SPAG16: variants seen among roughly 807,000 people sequenced by gnomAD.
SPAG16 encodes sperm associated antigen 16.
SPAG16 carries 86 observed loss-of-function variants against 80.4 expected under a neutral mutation model. The ratio of observed to expected loss-of-function variants is 1.07; its 90% CI spans 0.90 to 1.28. SPAG16 has a LOEUF of 1.28. Ranked by LOEUF, SPAG16 falls within the 50% of genes most tolerant of loss-of-function variation. The pLI, the probability that SPAG16 is intolerant of heterozygous loss-of-function variation, is 0.00. For synonymous variants in SPAG16, 294 were observed against 265.9 expected (o/e 1.11, Z -1.03); for missense variants, 870 against 765.3 (o/e 1.14, Z -1.61).
At chr2:213,325,995 G>A (rs2063824840) in intron 5 of SPAG16, among the ~76,000 whole-genome samples, 1 of 151,798 alleles carries the variant, frequency 6.6e-6, no homozygotes, top group African/African-American at 2.4e-5. Flanking sequence ...CCCTTTCATG[G>A]CATTTATTTG....
intron 10 of SPAG16, among the ~76,000 whole-genome samples, chr2:213,826,096 G>A (rs745389006): frequency 1.3e-5 from 2 of 151,768 alleles, no homozygotes; most frequent in African/African-American, 2.4e-5. Flanking sequence ...GGTATTAGTT[G>A]AAATAACTCT....
At chr2:213,404,045 A>T (rs544267194) in intron 9 of SPAG16, among the ~76,000 whole-genome samples, 1 of 152,254 alleles carries the variant, frequency 6.6e-6, no homozygotes, top group African/African-American at 2.4e-5. Flanking sequence ...CCACTGCTCA[A>T]GGAAATAAAA....
chr2:213,307,054 T>C (rs10203794), intron 3 of SPAG16, among the ~76,000 whole-genome samples: 44,361 of 152,090 alleles, frequency 0.29, 6,953 homozygotes, highest in African/African-American at 0.34. Flanking sequence ...AATTATTCTT[T>C]TTGAACTTTA....
chr2:213,594,521 T>A (rs1469237326), intron 10 of SPAG16, among the ~76,000 whole-genome samples: 1 of 152,222 alleles, frequency 6.6e-6, no homozygotes, highest in East Asian at 1.9e-4. Flanking sequence ...GGGGGTGTGC[T>A]CACTCTTTTT....
intron 10 of SPAG16, among the ~76,000 whole-genome samples, chr2:213,558,173 G>T (rs2059487938): frequency 6.6e-6 from 1 of 152,080 alleles, no homozygotes; most frequent in Admixed American, 6.6e-5. Flanking sequence ...ACCTGATAAA[G>T]TAACTATGTG....
rs1349871115 is a variant in SPAG16 at position 213,833,464 on chromosome 2, AT to A, written c.1071-29019del. Among the ~76,000 whole-genome samples, 13 of 12,238 alleles carry A rather than the reference AT, an allele frequency of 1.1e-3. 1 individual carries two copies. Among genetic ancestry groups the A allele is most frequent in the East Asian group, 4.0e-3 (1 of 252 alleles). The allele number at this position is 12,238 out of a possible 152,430, so 8.0% of individuals were successfully genotyped here. On this transcript the variant is annotated intron_variant, in intron 10 of 15. Transcript: ENST00000331683. Reference sequence around the variant, plus strand: ...GTGTATATATATATATTATATATATATTATATATAATAATATATATATTATA... The same window carrying A: ...GTGTATATATATATATTATATATATATATATATAATAATATATATATTATA...
chr2:213,861,581 A>G (rs1051340735), intron 10 of SPAG16, among the ~76,000 whole-genome samples: 2 of 152,180 alleles, frequency 1.3e-5, no homozygotes, highest in African/African-American at 4.8e-5. Flanking sequence ...ATTTGTTACT[A>G]ATATTTAGGT....
intron 9 of SPAG16, among the ~76,000 whole-genome samples, chr2:213,382,390 T>C (rs2067217569): frequency 2.0e-5 from 3 of 152,188 alleles, no homozygotes; most frequent in Admixed American, 2.0e-4. Flanking sequence ...AGAGAATATG[T>C]AAAAGTAGTT....
At chr2:214,285,574 C>T (rs537260889) in intron 15 of SPAG16, among the ~76,000 whole-genome samples, 5 of 152,050 alleles carry the variant, frequency 3.3e-5, no homozygotes, top group Admixed American at 1.3e-4. Flanking sequence ...ATTGGGAGGC[C>T]GAGGTGGGCA....
intron 10 of SPAG16, among the ~76,000 whole-genome samples, chr2:213,673,534 G>T (rs1393467500): frequency 2.6e-5 from 4 of 152,088 alleles, no homozygotes; most frequent in Admixed American, 2.6e-4. Context: ...AAGAAGCTTG[G>T]CATATGTCCT....
At chr2:213,653,107 C>T (rs1373566879) in intron 10 of SPAG16, among the ~76,000 whole-genome samples, 1 of 122,528 alleles carries the variant, frequency 8.2e-6, no homozygotes, top group Non-Finnish European at 1.8e-5. Flanking sequence ...ATCACTGGGT[C>T]AAAGAAGTCT....
chr2:214,187,093 GA>G (rs2057502549), intron 15 of SPAG16, among the ~76,000 whole-genome samples: 1 of 152,022 alleles, frequency 6.6e-6, no homozygotes, highest in African/African-American at 2.4e-5. Flanking sequence ...GGGATAAATA[GA>G]AGCTTTCAAA....
At chr2:213,381,834 C>T (rs2067190436) in intron 9 of SPAG16, among the ~76,000 whole-genome samples, 2 of 152,280 alleles carry the variant, frequency 1.3e-5, no homozygotes, top group Non-Finnish European at 2.9e-5. Context: ...ATAGCCACTG[C>T]CAATAAATAG....
At chr2:213,513,334 C>T (rs1198136081) in intron 10 of SPAG16, among the ~76,000 whole-genome samples, 1 of 152,164 alleles carries the variant, frequency 6.6e-6, no homozygotes, top group East Asian at 1.9e-4. Flanking sequence ...TGGGGACCTA[C>T]AATTTTTGAA....
chr2:213,298,314 C>T (rs1274870178), intron 3 of SPAG16, among the ~76,000 whole-genome samples: 1 of 152,076 alleles, frequency 6.6e-6, no homozygotes, highest in Non-Finnish European at 1.5e-5. Flanking sequence ...GAAATCTATT[C>T]CATAGACTTA....
chr2:213,326,952 G>A (rs1475247638), intron 5 of SPAG16, among the ~76,000 whole-genome samples: 3 of 151,878 alleles, frequency 2.0e-5, no homozygotes, highest in Admixed American at 6.6e-5. Context: ...TTTATAGTTC[G>A]ATAAGAATAT....
At chr2:214,182,418 G>A (rs1002716711) in intron 15 of SPAG16, among the ~76,000 whole-genome samples, 1 of 151,714 alleles carries the variant, frequency 6.6e-6, no homozygotes, top group African/African-American at 2.4e-5. Context: ...TGAACAGATG[G>A]ACTAATATGT....
chr2:214,129,318 T>A (rs989871380), intron 14 of SPAG16, among the ~76,000 whole-genome samples: 22 of 152,156 alleles, frequency 1.4e-4, no homozygotes, highest in Non-Finnish European at 2.5e-4. Context: ...ATCGTCAAGG[T>A]AGTATGTCAA....
intron 11 of SPAG16, among the ~76,000 whole-genome samples, chr2:213,900,490 C>T (rs760848156): frequency 6.6e-6 from 1 of 152,030 alleles, no homozygotes; most frequent in African/African-American, 2.4e-5. Flanking sequence ...TGCAACAAAC[C>T]GGGTCTTCAT....
Sources: gnomAD v4.1 joint callset for allele counts (sites outside exome capture counted in the v4.1 genomes callset) on GRCh38, gnomAD v4.1.1 for gene constraint, MANE v1.5 for transcripts, NCBI Gene and HGNC (gene_info 2026-07-23, HGNC 2026-07-21) for gene names.